The following LRP1B variants were observed in gnomAD, a reference collection of about 807,000 sequenced individuals.
The protein encoded by LRP1B is low-density lipoprotein receptor-related protein 1B.
A neutral mutation model predicts 556.6 loss-of-function variants in LRP1B; 217 were observed. The observed-to-expected ratio is 0.39, with a 90% confidence interval of 0.35 to 0.44. LRP1B has a LOEUF of 0.44. Ranked by LOEUF, LRP1B falls within the 20% of genes least tolerant of loss-of-function variation. The probability of loss-of-function intolerance (pLI) is 1.00; values close to 1 mark genes in which losing one functional copy is unlikely to be tolerated. For synonymous variants in LRP1B, 2,047 were observed against 1,865.8 expected (o/e 1.10, Z -2.50); for missense variants, 5,053 against 5,620.8 (o/e 0.90, Z 3.23).
chr2:141,479,075 C>A (rs868632317), intron 3 of LRP1B, among the ~76,000 whole-genome samples: 1 of 152,088 alleles, frequency 6.6e-6, no homozygotes, highest in Non-Finnish European at 1.5e-5. Flanking sequence ...ACAGAGTCAG[C>A]GTAATTGGAC....
At chr2:141,737,748 C>T (rs1693542551) in intron 2 of LRP1B, among the ~76,000 whole-genome samples, 1 of 152,126 alleles carries the variant, frequency 6.6e-6, no homozygotes, top group Admixed American at 6.6e-5. Context: ...GCTCTTCTGG[C>T]TGATGCAAGT....
At chr2:141,716,974 G>C (rs980490512) in intron 2 of LRP1B, among the ~76,000 whole-genome samples, 3 of 151,956 alleles carry the variant, frequency 2.0e-5, no homozygotes, top group African/African-American at 7.3e-5. Flanking sequence ...TCCACAGGGG[G>C]GGGTCGCAAT....
chr2:141,865,579 G>A (rs1698384708), intron 1 of LRP1B, among the ~76,000 whole-genome samples: 1 of 117,984 alleles, frequency 8.5e-6, no homozygotes, highest in Non-Finnish European at 1.6e-5. Context: ...GCGACAGAGC[G>A]AGACTCCGTC....
At chr2:140,526,064 T>C (rs932266024) in intron 48 of LRP1B, 71 bp from the exon 49 acceptor site, 28 of 1,517,286 alleles carry the variant, frequency 1.8e-5, no homozygotes, top group Middle Eastern at 1.7e-4. Context: ...ATGTAGGTCA[T>C]AGAGATGAGA....
chr2:140,238,140 A>G lies in LRP1B; in HGVS notation c.13560+12T>C, dbSNP rs2104881176. 1 of 1,591,784 alleles carries G rather than the reference A, an allele frequency of 6.3e-7. No individual in the cohort carries two copies. Among genetic ancestry groups the G allele is most frequent in the East Asian group, 2.3e-5 (1 of 44,212 alleles). On this transcript the variant is annotated intron_variant, in intron 89 of 90. Coordinates refer to ENST00000389484, the MANE Select transcript of LRP1B (RefSeq NM_018557.3). ...GTTAGTGCTCACTGCCCATTATCTT[A>G]AGACATACTACCTTTGTTGGGTCTA...
intron 1 of LRP1B, among the ~76,000 whole-genome samples, chr2:141,991,536 C>T (rs558807819): frequency 1.3e-5 from 2 of 152,096 alleles, no homozygotes; most frequent in African/African-American, 4.8e-5. Context: ...CATAACTGCA[C>T]ATATATAAGT....
chr2:140,518,540 T>C (rs1277385408), intron 49 of LRP1B, among the ~76,000 whole-genome samples: 1 of 152,198 alleles, frequency 6.6e-6, no homozygotes, highest in Non-Finnish European at 1.5e-5. Flanking sequence ...CAAAATTAAC[T>C]ACAGTCATAC....
intron 3 of LRP1B, among the ~76,000 whole-genome samples, chr2:141,421,154 G>A (rs1183713628): frequency 1.3e-5 from 2 of 152,184 alleles, no homozygotes; most frequent in South Asian, 2.1e-4. Flanking sequence ...AACAAGGGCT[G>A]CAACTTCCTA....
At chr2:141,630,611 C>T (rs531520799) in intron 2 of LRP1B, among the ~76,000 whole-genome samples, 6 of 152,266 alleles carry the variant, frequency 3.9e-5, no homozygotes, top group South Asian at 2.1e-4. Flanking sequence ...CAGAAAAAGT[C>T]ACGACAGATG....
chr2:140,235,060 ATAT>A (rs557123395), intron 89 of LRP1B, 176 bp from the exon 90 acceptor site: 565 of 403,808 alleles, frequency 1.4e-3, no homozygotes, highest in Non-Finnish European at 2.2e-3. Context: ...TCCAATATTA[ATAT>A]TATTAAAGAT....
intron 2 of LRP1B, among the ~76,000 whole-genome samples, chr2:141,585,273 A>T (rs1687096357): frequency 6.6e-6 from 1 of 152,180 alleles, no homozygotes; most frequent in Non-Finnish European, 1.5e-5. Flanking sequence ...TATGCTATTT[A>T]TCCTAAGATA....
intron 2 of LRP1B, among the ~76,000 whole-genome samples, chr2:141,800,387 T>G (rs1193265628): frequency 6.6e-6 from 1 of 152,228 alleles, no homozygotes; most frequent in Non-Finnish European, 1.5e-5. Context: ...TTCTATCCCC[T>G]GTAAAAGGGG....
chr2:140,549,638 C>T (rs62171875), intron 43 of LRP1B, among the ~76,000 whole-genome samples: 6,695 of 152,210 alleles, frequency 0.044, 220 homozygotes, highest in Non-Finnish European at 0.065. Context: ...GTTTTGTTTT[C>T]CCTACTTTGC....
chr2:141,145,906 TTTTC>T (rs1220976631), intron 7 of LRP1B, among the ~76,000 whole-genome samples: 5,260 of 131,194 alleles, frequency 0.04, 353 homozygotes, highest in African/African-American at 0.096. Flanking sequence ...CACGTTTTTC[TTTTC>T]TTTCTTTCTT....
chr2:140,769,122 T>C (rs1689214943), intron 35 of LRP1B, 91 bp downstream of exon 35: 12 of 1,213,312 alleles, frequency 9.9e-6, no homozygotes, highest in Non-Finnish European at 9.4e-6. Context: ...ATCTTGACTA[T>C]TAAAGCACAG....
intron 43 of LRP1B, among the ~76,000 whole-genome samples, chr2:140,559,760 G>GAAAA (rs35908593): frequency 6.9e-6 from 1 of 145,366 alleles, no homozygotes; most frequent in South Asian, 2.1e-4. Flanking sequence ...ATAAATAATT[G>GAAAA]AAAAAAAAAA....
intron 1 of LRP1B, among the ~76,000 whole-genome samples, chr2:141,908,529 A>C (rs1699821348): frequency 6.6e-6 from 1 of 152,040 alleles, no homozygotes; most frequent in South Asian, 2.1e-4. Flanking sequence ...CTCATAGTAA[A>C]ACTGGCTAAC....
intron 41 of LRP1B, among the ~76,000 whole-genome samples, chr2:140,645,461 C>T (rs1366714013): frequency 6.6e-6 from 1 of 150,574 alleles, no homozygotes; most frequent in East Asian, 1.9e-4. Context: ...TGCCCTTCTA[C>T]TGTCTCTGAG....
chr2:141,461,093 T>G (rs1357789587), intron 3 of LRP1B, among the ~76,000 whole-genome samples: 1 of 150,644 alleles, frequency 6.6e-6, no homozygotes, highest in African/African-American at 2.4e-5. Context: ...TGAGAGTAAA[T>G]GAGATCACTA....
Sources: allele counts gnomAD v4.1 joint callset (sites outside exome capture counted in the v4.1 genomes callset), GRCh38; gene constraint gnomAD v4.1.1; transcripts MANE v1.5; gene names NCBI Gene and HGNC (gene_info 2026-07-23, HGNC 2026-07-21).